Variants in LRIG3 observed in about 807,000 individuals in gnomAD.
LRIG3 encodes leucine-rich repeats and immunoglobulin-like domains protein 3.
In LRIG3, 76 loss-of-function variants were observed where a neutral mutation model predicts 114.5. The ratio of observed to expected loss-of-function variants is 0.66; its 90% CI spans 0.55 to 0.80. LRIG3 has a LOEUF of 0.80. Ranked by LOEUF, LRIG3 falls within the 30% of genes least tolerant of loss-of-function variation. The pLI is 0.00. For synonymous variants in LRIG3, 512 were observed against 519.8 expected (o/e 0.98, Z 0.20); for missense variants, 1,239 against 1,382.8 (o/e 0.90, Z 1.65).
intron 18 of LRIG3, among the ~76,000 whole-genome samples, chr12:58,873,069 G>T (rs2120860968): frequency 6.6e-6 from 1 of 152,172 alleles, no homozygotes; most frequent in South Asian, 2.1e-4. Context: ...CATTTCTCAT[G>T]ACCTGTAGTA....
chr12:58,877,883 C>A, intron 14 of LRIG3, 31 bp from the exon 15 acceptor site: 2 of 1,562,334 alleles, frequency 1.3e-6, no homozygotes, highest in East Asian at 2.3e-5. Flanking sequence ...TTTAATTTCC[C>A]AAATAAAATT....
intron 9 of LRIG3, 71 bp from the exon 10 acceptor site, chr12:58,885,973 A>C: frequency 1.1e-6 from 1 of 908,864 alleles, no homozygotes; most frequent in Admixed American, 2.2e-5. Context: ...CATAAACAGA[A>C]CTGCTTTTTA....
In LRIG3 at chr12:58,888,383, G is replaced by A. The variant is rs781135992; in HGVS notation, c.893C>T (p.Ala298Val). The change falls in exon 7 of 19, where the codon GCC (alanine) becomes GTC (valine). Residue 298 changes from alanine to valine, a missense_variant. By Grantham distance (64) the Ala-to-Val change is moderately conservative (BLOSUM62 0). Transcript: ENST00000320743. ...MLQELHLSQN[A>V]INRISPDAWE... ...GGCATCAGGGCTGATCCTGTTGATG[G>A]CATTTTGGCTGAGATGAAGTTCCTG... The A allele has an allele frequency of 1.9e-6, 3 of 1,613,840 alleles. No individual in the cohort carries two copies. The Admixed American group carries it at 5.0e-5, about 27-fold the overall frequency.
intron 3 of LRIG3, among the ~76,000 whole-genome samples, chr12:58,912,025 A>G (rs1026630355): frequency 2.6e-5 from 4 of 152,210 alleles, no homozygotes; most frequent in African/African-American, 9.6e-5. Context: ...GGCCAGAGGT[A>G]TTGTAACACA....
intron 3 of LRIG3, among the ~76,000 whole-genome samples, chr12:58,905,364 T>A (rs1388933721): frequency 1.3e-5 from 2 of 152,234 alleles, no homozygotes; most frequent in Non-Finnish European, 2.9e-5. Flanking sequence ...TATAGTAAAC[T>A]CTCTTTTATG....
Position 58,895,257 on chromosome 12 carries a change from G to A in LRIG3, c.384-4461C>T, listed in dbSNP as rs527385472. On this transcript the variant is annotated intron_variant, in intron 3 of 18. Coordinates refer to ENST00000320743, the MANE Select transcript of LRIG3 (RefSeq NM_153377.5). The stretch of plus-strand genomic sequence containing the variant: ...TGGGGAGGATAGCAGGCAACAGGGA[G>A]CTGTCCAGTGTGGTAAGTGCAGCGA... 2.0e-5 allele frequency among the ~76,000 whole-genome samples: 3 copies of A among 152,292 alleles called. No individual in the cohort carries two copies. In the South Asian group the frequency reaches 6.2e-4, roughly 32 times the overall value.
chr12:58,900,587 CTA>C (rs1453491864), intron 3 of LRIG3, among the ~76,000 whole-genome samples: 2 of 152,014 alleles, frequency 1.3e-5, no homozygotes, highest in Non-Finnish European at 2.9e-5. Flanking sequence ...CATTAAGTTA[CTA>C]TAGTCTGTTT....
rs1384487359 is a variant in LRIG3, at chr12:58,877,443, G to A, written c.2493C>T (p.Tyr831=). ...GTSLVWVVII[Y]HTRRRNEDCS... is the part of the protein sequence containing the mutation. ...AATCTTCATTCCTCCGCCTTGTGTGGTATATGATGACCACCCACACGAGTG... is the reference window on the plus strand; with the variant it reads ...AATCTTCATTCCTCCGCCTTGTGTGATATATGATGACCACCCACACGAGTG... The change falls in exon 15 of 19, where the codon TAC becomes TAT. Residue 831 remains tyrosine (Y), a synonymous_variant. Transcript: ENST00000320743. 5.6e-6 allele frequency: 9 copies of A among 1,614,100 alleles called. No homozygotes were observed. The highest frequency in any genetic ancestry group is 2.2e-5 in the East Asian group (1 of 44,884).
In LRIG3 at chr12:58,920,415, A is replaced by C; in HGVS notation, c.-180T>G. On this transcript the variant is annotated 5_prime_UTR_variant, in exon 1 of 19. Coordinates refer to ENST00000320743, the MANE Select transcript of LRIG3 (RefSeq NM_153377.5). ...GCGGCGAAGCCCTTTCATGCCCCCAAACAGCAGGAGGGAAACCGAAAAGAA... is the reference window on the plus strand; with the variant it reads ...GCGGCGAAGCCCTTTCATGCCCCCACACAGCAGGAGGGAAACCGAAAAGAA... 2 of 434,360 alleles carry C rather than the reference A, an allele frequency of 4.6e-6. No homozygotes were observed. Among genetic ancestry groups the C allele is most frequent in the African/African-American group, 2.1e-5 (1 of 48,476 alleles). 26.9% of individuals were successfully genotyped at this position (434,360 alleles called of 1,614,324 possible). A position where few individuals can be genotyped will look rare whatever the true frequency, so the allele number is the denominator to read the frequency against.
chr12:58,892,955 C>G (rs570234253), intron 3 of LRIG3, among the ~76,000 whole-genome samples: 1 of 152,308 alleles, frequency 6.6e-6, no homozygotes, highest in Non-Finnish European at 1.5e-5. Context: ...TACTTCCCAC[C>G]TTGCAAAAAT....
rs1482426130 is a variant in LRIG3, at chr12:58,886,772, CAA to C, written c.1172+36_1172+37del. On this transcript the variant is annotated intron_variant, in intron 9 of 18. Transcript: ENST00000320743. The stretch of plus-strand genomic sequence containing the variant: ...TTCAGTGAAGACAAAATTTTTAAAT[CAA>C]AGAGTGAGCTAAATTATGAGGCAAT... 4 of 1,585,078 alleles carry C rather than the reference CAA, an allele frequency of 2.5e-6. No individual in the cohort carries two copies. The South Asian group carries it at 3.3e-5, about 13-fold the overall frequency.
rs549095525 is a variant in LRIG3, at chr12:58,902,237, G to A, written c.384-11441C>T. ...ACTTTGTGTGGGATCACAAAGCGAT[G>A]TGACTCAATTCAAAAGCATCTTATT... On this transcript the variant is annotated intron_variant, in intron 3 of 18. Coordinates refer to ENST00000320743, the MANE Select transcript of LRIG3 (RefSeq NM_153377.5). Among the ~76,000 whole-genome samples the A allele has an allele frequency of 7.2e-5, 11 of 152,118 alleles. No homozygotes were observed. In the South Asian group the frequency reaches 1.9e-3, roughly 26 times the overall value.
chr12:58,914,868 G>A (rs1196365207), intron 1 of LRIG3, among the ~76,000 whole-genome samples: 1 of 152,162 alleles, frequency 6.6e-6, no homozygotes, highest in African/African-American at 2.4e-5. Flanking sequence ...TGTTGAGAGG[G>A]TAGAAAACAA....
intron 3 of LRIG3, among the ~76,000 whole-genome samples, chr12:58,906,393 C>A (rs1046199497): frequency 1.3e-5 from 2 of 152,108 alleles, no homozygotes; most frequent in Non-Finnish European, 2.9e-5. Context: ...GAATTCAGAG[C>A]ATATTAAAAT....
At chr12:58,872,851 C>G in intron 18 of LRIG3, 35 bp from the exon 19 acceptor site, 1 of 1,587,810 alleles carries the variant, frequency 6.3e-7, no homozygotes, top group Non-Finnish European at 8.6e-7. Flanking sequence ...ACATGGGTCC[C>G]TTTGCTAGCA....
intron 3 of LRIG3, among the ~76,000 whole-genome samples, chr12:58,907,493 T>A (rs1371599216): frequency 1.3e-5 from 2 of 152,122 alleles, no homozygotes; most frequent in East Asian, 1.9e-4. Context: ...ACCCTCCCAT[T>A]CAAGAATCCA....
In LRIG3 at chr12:58,880,321, A is replaced by G. The variant is rs539155569; in HGVS notation, c.1801+260T>C. ...TCTCAAAAAAAAAAAAAAGAAAAAGAAAAAAAAAAGAGCAAAAACATGTCT... is the reference window on the plus strand; with the variant it reads ...TCTCAAAAAAAAAAAAAAGAAAAAGGAAAAAAAAAGAGCAAAAACATGTCT... On this transcript the variant is annotated intron_variant, in intron 13 of 18. Coordinates refer to ENST00000320743, the MANE Select transcript of LRIG3 (RefSeq NM_153377.5). 5.6e-4 allele frequency: 290 copies of G among 520,118 alleles called. 4 individuals carry two copies. The highest frequency in any genetic ancestry group is 4.3e-3 in the South Asian group (227 of 52,442). The allele number at this position is 520,118 out of a possible 1,614,324, so 32.2% of individuals were successfully genotyped here.
chr12:58,891,586 T>C (rs1871456248), intron 3 of LRIG3, among the ~76,000 whole-genome samples: 1 of 152,210 alleles, frequency 6.6e-6, no homozygotes, highest in Non-Finnish European at 1.5e-5. Context: ...GAATTTAAAA[T>C]ACTTGTCAGA....
rs1026912866 is a variant in LRIG3 at position 58,873,913 on chromosome 12, C to T, written c.3115+142G>A. ...CTGACTTTGCTTTTGGAGGCATTTA[C>T]ACTAACTAGTCGGATGTCATGGCAG... is the stretch of plus-strand genomic sequence containing the variant. On this transcript the variant is annotated intron_variant, in intron 18 of 18. Transcript: ENST00000320743. The T allele has an allele frequency of 1.3e-5, 12 of 957,142 alleles. No homozygotes were observed. The African/African-American group carries it at 1.6e-4, about 13-fold the overall frequency. 59.3% of individuals were successfully genotyped at this position (957,142 alleles called of 1,614,324 possible).
Sources: gnomAD v4.1 joint callset for allele counts (sites outside exome capture counted in the v4.1 genomes callset) on GRCh38, gnomAD v4.1.1 for gene constraint, MANE v1.5 for transcripts, NCBI Gene and HGNC (gene_info 2026-07-23, HGNC 2026-07-21) for gene names.